Variants in GALNTL6 observed in about 807,000 individuals in gnomAD.
GALNTL6 encodes polypeptide N-acetylgalactosaminyltransferase like 6.
A neutral mutation model predicts 73.7 loss-of-function variants in GALNTL6; 46 were observed. That is an observed-to-expected ratio of 0.62 (90% CI 0.49 to 0.80). GALNTL6 has a LOEUF of 0.80. Ranked by LOEUF, GALNTL6 falls within the 30% of genes least tolerant of loss-of-function variation. The probability of loss-of-function intolerance (pLI) is 0.00; values close to 1 mark genes in which losing one functional copy is unlikely to be tolerated. For missense variants in GALNTL6, 604 were observed against 755.0 expected (o/e 0.80, Z 2.34); for synonymous variants, 259 against 263.7 (o/e 0.98, Z 0.17).
Position 172,071,607 on chromosome 4 carries a change from T to G in GALNTL6, c.139-158049T>G, listed in dbSNP as rs1421502872. ...GTTTGTTTGTTTATTTGTTTTTTCCTTATTTCTGGTCAGCCCATCAATGCA... is the reference window on the plus strand; with the variant it reads ...GTTTGTTTGTTTATTTGTTTTTTCCGTATTTCTGGTCAGCCCATCAATGCA... On this transcript the variant is annotated intron_variant, in intron 2 of 12. Coordinates refer to ENST00000506823, the MANE Select transcript of GALNTL6 (RefSeq NM_001034845.3). Among the ~76,000 whole-genome samples the G allele has an allele frequency of 1.8e-5, 2 of 110,736 alleles. 1 individual carries two copies. Among genetic ancestry groups the G allele is most frequent in the African/African-American group, 6.8e-5 (2 of 29,458 alleles). 72.6% of individuals were successfully genotyped at this position (110,736 alleles called of 152,430 possible). A position where few individuals can be genotyped will look rare whatever the true frequency, so the allele number is the denominator to read the frequency against.
intron 5 of GALNTL6, among the ~76,000 whole-genome samples, chr4:172,359,382 T>C (rs1053371626): frequency 6.6e-6 from 1 of 151,904 alleles, no homozygotes; most frequent in Admixed American, 6.6e-5. Context: ...AGGGACAGGA[T>C]AAGAAAAAAT....
At chr4:172,892,937 G>A (rs1234288903) in intron 8 of GALNTL6, among the ~76,000 whole-genome samples, 1 of 152,240 alleles carries the variant, frequency 6.6e-6, no homozygotes, top group African/African-American at 2.4e-5. Context: ...GGCAGAGTCA[G>A]AACAGGTTGT....
chr4:171,950,139 A>T (rs1383963241), intron 2 of GALNTL6, among the ~76,000 whole-genome samples: 1 of 152,208 alleles, frequency 6.6e-6, no homozygotes, highest in East Asian at 1.9e-4. Flanking sequence ...TCTAGAATTG[A>T]TTGGAATATT....
At chr4:172,162,199 A>G (rs1303260001) in intron 2 of GALNTL6, among the ~76,000 whole-genome samples, 2 of 151,928 alleles carry the variant, frequency 1.3e-5, no homozygotes, top group Admixed American at 6.6e-5. Context: ...CATGGAGACA[A>G]TATCTAGCAT....
chr4:172,481,978 G>A (rs544830225), intron 5 of GALNTL6, among the ~76,000 whole-genome samples: 56 of 152,312 alleles, frequency 3.7e-4, no homozygotes, highest in South Asian at 2.1e-3. Flanking sequence ...GGAGCCCACC[G>A]CAGGGGGCTC....
At chr4:172,721,808 T>C (rs1399178477) in intron 5 of GALNTL6, among the ~76,000 whole-genome samples, 1 of 152,224 alleles carries the variant, frequency 6.6e-6, no homozygotes, top group Non-Finnish European at 1.5e-5. Flanking sequence ...GCACTCTCTC[T>C]CTACTTCTCG....
chr4:172,488,869 G>A (rs996564562), intron 5 of GALNTL6, among the ~76,000 whole-genome samples: 1 of 151,922 alleles, frequency 6.6e-6, no homozygotes, highest in African/African-American at 2.4e-5. Flanking sequence ...TAGTTCTGTG[G>A]ATGGAAAGGA....
chr4:172,280,884 C>T (rs952447586), intron 3 of GALNTL6, among the ~76,000 whole-genome samples: 2 of 151,874 alleles, frequency 1.3e-5, no homozygotes, highest in African/African-American at 4.8e-5. Flanking sequence ...AATTCTGGCC[C>T]GCACGGTGGC....
At chr4:172,365,096 A>G (rs1417914676) in intron 5 of GALNTL6, among the ~76,000 whole-genome samples, 1 of 152,202 alleles carries the variant, frequency 6.6e-6, no homozygotes, top group Non-Finnish European at 1.5e-5. Context: ...TGGAGAATAA[A>G]TCTGAGAGGG....
intron 5 of GALNTL6, among the ~76,000 whole-genome samples, chr4:172,765,431 A>C (rs1025900016): frequency 6.6e-6 from 1 of 152,180 alleles, no homozygotes; most frequent in African/African-American, 2.4e-5. Flanking sequence ...TTGTTTGGTA[A>C]ATATCTCATG....
chr4:172,716,639 G>A (rs945508212), intron 5 of GALNTL6, among the ~76,000 whole-genome samples: 2 of 152,126 alleles, frequency 1.3e-5, no homozygotes, highest in Non-Finnish European at 2.9e-5. Context: ...TTTTCTGAAC[G>A]CTTAACCTTC....
chr4:171,999,838 G>T (rs1740619619), intron 2 of GALNTL6, among the ~76,000 whole-genome samples: 1 of 152,064 alleles, frequency 6.6e-6, no homozygotes, highest in Non-Finnish European at 1.5e-5. Flanking sequence ...GAAGCAAAAA[G>T]GTGCAACTCT....
intron 2 of GALNTL6, among the ~76,000 whole-genome samples, chr4:171,983,391 AAC>A (rs1229239009): frequency 6.6e-6 from 1 of 152,174 alleles, no homozygotes; most frequent in African/African-American, 2.4e-5. Context: ...GTATCCACAT[AAC>A]CTGACTGAGA....
At chr4:172,200,449 G>T (rs1294841792) in intron 2 of GALNTL6, among the ~76,000 whole-genome samples, 1 of 152,048 alleles carries the variant, frequency 6.6e-6, no homozygotes, top group Non-Finnish European at 1.5e-5. Flanking sequence ...TTATTTCCAT[G>T]AATACAAACG....
intron 5 of GALNTL6, among the ~76,000 whole-genome samples, chr4:172,367,030 T>A (rs1742591209): frequency 6.6e-6 from 1 of 152,218 alleles, no homozygotes; most frequent in Non-Finnish European, 1.5e-5. Context: ...CCGTGAATCC[T>A]AGCAGGAAGG....
chr4:173,011,465 C>A (rs186932118), intron 11 of GALNTL6, among the ~76,000 whole-genome samples: 290 of 152,230 alleles, frequency 1.9e-3, no homozygotes, highest in African/African-American at 6.7e-3. Context: ...TCAATGTTTT[C>A]TTGTAGTAGT....
chr4:172,748,348 C>T (rs1737230667), intron 5 of GALNTL6, among the ~76,000 whole-genome samples: 1 of 151,954 alleles, frequency 6.6e-6, no homozygotes, highest in African/African-American at 2.4e-5. Flanking sequence ...ACCAATTAAC[C>T]GAATGTTCAC....
At chr4:172,529,755 AGCTCACT>A (rs1254137895) in intron 5 of GALNTL6, among the ~76,000 whole-genome samples, 1 of 151,910 alleles carries the variant, frequency 6.6e-6, no homozygotes, top group South Asian at 2.1e-4. Flanking sequence ...GTGTGATCTC[AGCTCACT>A]GCAATGTCTG....
chr4:172,945,125 T>C (rs2126322051), intron 9 of GALNTL6, among the ~76,000 whole-genome samples: 1 of 149,646 alleles, frequency 6.7e-6, no homozygotes, highest in East Asian at 1.9e-4. Flanking sequence ...GCTACATGGA[T>C]AAAGATCAAA....
Sources: gnomAD v4.1 joint callset for allele counts (sites outside exome capture counted in the v4.1 genomes callset) on GRCh38, gnomAD v4.1.1 for gene constraint, MANE v1.5 for transcripts, NCBI Gene and HGNC (gene_info 2026-07-23, HGNC 2026-07-21) for gene names.